Variants in USP34 observed in about 807,000 individuals in gnomAD.
The protein encoded by USP34 is ubiquitin specific peptidase 34.
In USP34, 70 loss-of-function variants were observed where a neutral mutation model predicts 460.3. That is an observed-to-expected ratio of 0.15 (90% CI 0.13 to 0.19). The LOEUF (loss-of-function observed/expected upper bound fraction) is 0.19, where lower values mean the gene tolerates loss of function less well. USP34 is among the 10% of genes least tolerant of loss of function. The pLI is 1.00. For synonymous variants in USP34, 1,647 were observed against 1,405.3 expected (o/e 1.17, Z -3.85); for missense variants, 3,985 against 4,236.2 (o/e 0.94, Z 1.65).
At chr2:61,246,227 C>T in intron 50 of USP34, 97 bp downstream of exon 50, 1 of 1,101,266 alleles carries the variant, frequency 9.1e-7, no homozygotes, top group Non-Finnish European at 1.2e-6. Flanking sequence ...GCCTCATTTC[C>T]AACTTTTGTG....
chr2:61,279,641 T>A (rs35818972), intron 39 of USP34, among the ~76,000 whole-genome samples: 9,280 of 152,208 alleles, frequency 0.061, 375 homozygotes, highest in Non-Finnish European at 0.094. Context: ...AATTTTTGCA[T>A]TTTTAGTAGA....
At chr2:61,247,458 CCACAAGTGGAAACAT>C (rs1688448373) in intron 49 of USP34, among the ~76,000 whole-genome samples, 1 of 152,202 alleles carries the variant, frequency 6.6e-6, no homozygotes, top group Non-Finnish European at 1.5e-5. Flanking sequence ...TCTGCTCTCT[CCACAAGTGGAAACAT>C]CACAAGAAAT....
chr2:61,329,287 A>G (rs1691189909), intron 20 of USP34, among the ~76,000 whole-genome samples: 1 of 151,950 alleles, frequency 6.6e-6, no homozygotes, highest in African/African-American at 2.4e-5. Context: ...CAGCCTCCCA[A>G]AGTGTTGGGA....
chr2:61,382,960 C>A (rs1223153079), intron 6 of USP34, among the ~76,000 whole-genome samples: 1 of 152,154 alleles, frequency 6.6e-6, no homozygotes, highest in Non-Finnish European at 1.5e-5. Flanking sequence ...TCTGCTATAT[C>A]CTCAGTGCCT....
At chr2:61,289,959 G>C (rs111308664) in intron 33 of USP34, among the ~76,000 whole-genome samples, 103 of 152,172 alleles carry the variant, frequency 6.8e-4, no homozygotes, top group African/African-American at 2.3e-3. Flanking sequence ...GTAAGCCACA[G>C]CATGTGTGGG....
At chr2:61,323,872 G>A (rs558021112) in intron 21 of USP34, among the ~76,000 whole-genome samples, 1 of 152,120 alleles carries the variant, frequency 6.6e-6, no homozygotes, top group African/African-American at 2.4e-5. Flanking sequence ...GTAATAACAC[G>A]AAAGAGAAAT....
At chr2:61,246,249 G>A (rs1472175210) in intron 50 of USP34, 75 bp downstream of exon 50, 18 of 1,255,140 alleles carry the variant, frequency 1.4e-5, no homozygotes, top group Non-Finnish European at 5.1e-6. Flanking sequence ...CAAGTTTTTA[G>A]AAAACTAAAC....
chr2:61,305,250 A>G (rs551861936), intron 27 of USP34, among the ~76,000 whole-genome samples: 20 of 152,062 alleles, frequency 1.3e-4, no homozygotes, highest in Non-Finnish European at 2.9e-4. Flanking sequence ...CTTGACCCCA[A>G]AGGCGGAGGT....
chr2:61,286,770 T>C (rs1424072813), intron 34 of USP34, among the ~76,000 whole-genome samples: 2 of 152,226 alleles, frequency 1.3e-5, no homozygotes, highest in African/African-American at 2.4e-5. Context: ...TTGTGTATTA[T>C]GAATTTTCAA....
intron 64 of USP34, 58 bp downstream of exon 64, chr2:61,223,002 T>A: frequency 6.9e-7 from 1 of 1,459,016 alleles, no homozygotes; most frequent in Non-Finnish European, 9.4e-7. Flanking sequence ...CGGCCAGATT[T>A]CAGGGTATTC....
intron 30 of USP34, 90 bp downstream of exon 30, chr2:61,296,710 G>T: frequency 7.5e-7 from 1 of 1,331,274 alleles, no homozygotes; most frequent in Non-Finnish European, 1.0e-6. Flanking sequence ...GATTTACTGA[G>T]GGTACATCAA....
At chr2:61,360,371 A>T (rs546198150) in intron 10 of USP34, among the ~76,000 whole-genome samples, 13 of 152,184 alleles carry the variant, frequency 8.5e-5, no homozygotes, top group African/African-American at 3.1e-4. Context: ...AAGTTAATAT[A>T]AAAAAATCAG....
intron 10 of USP34, among the ~76,000 whole-genome samples, chr2:61,369,830 A>G (rs892229103): frequency 6.6e-6 from 1 of 151,720 alleles, no homozygotes; most frequent in Non-Finnish European, 1.5e-5. Flanking sequence ...AGAGGAAGAA[A>G]AATGTATACA....
intron 34 of USP34, among the ~76,000 whole-genome samples, chr2:61,287,671 TTTC>T (rs1178171476): frequency 6.6e-6 from 1 of 152,208 alleles, no homozygotes; most frequent in Non-Finnish European, 1.5e-5. Context: ...TTCTTAACAC[TTTC>T]TTTTCTCTAG....
intron 1 of USP34, among the ~76,000 whole-genome samples, chr2:61,463,609 G>A (rs1300484255): frequency 6.6e-5 from 10 of 152,088 alleles, no homozygotes; most frequent in East Asian, 1.9e-4. Context: ...CAAGGGAGGC[G>A]GATTACCTGG....
At chr2:61,278,019 T>G (rs1449026998) in intron 41 of USP34, 146 bp downstream of exon 41, 2 of 1,050,702 alleles carry the variant, frequency 1.9e-6, no homozygotes, top group Admixed American at 6.1e-5. Flanking sequence ...CATGGAACTC[T>G]GAGTCGAATT....
intron 35 of USP34, 110 bp downstream of exon 35, chr2:61,284,765 A>G (rs1689638185): frequency 1.2e-6 from 1 of 808,168 alleles, no homozygotes; most frequent in Non-Finnish European, 1.9e-6. Flanking sequence ...AGATTTCATC[A>G]TAATATCCCC....
chr2:61,341,720 A>G (rs1259490582), intron 16 of USP34, among the ~76,000 whole-genome samples: 1 of 130,428 alleles, frequency 7.7e-6, no homozygotes, highest in Non-Finnish European at 1.7e-5. Flanking sequence ...AAAATAAACC[A>G]CTTTTGTTTA....
At chr2:61,376,432 T>C (rs1385512200) in intron 8 of USP34, among the ~76,000 whole-genome samples, 5 of 152,240 alleles carry the variant, frequency 3.3e-5, no homozygotes, top group Non-Finnish European at 4.4e-5. Context: ...GAATTCCTTC[T>C]TATTCCCCCA....
Sources: allele counts gnomAD v4.1 joint callset (sites outside exome capture counted in the v4.1 genomes callset), GRCh38; gene constraint gnomAD v4.1.1; transcripts MANE v1.5; gene names NCBI Gene and HGNC (gene_info 2026-07-23, HGNC 2026-07-21).